Variants in CTNNA1 observed in about 807,000 individuals in gnomAD.
CTNNA1 encodes catenin alpha 1, also known as catenin alpha-1.
Under a neutral mutation model 98.4 loss-of-function variants are expected in CTNNA1, and 37 were observed. The ratio of observed to expected loss-of-function variants is 0.38; its 90% CI spans 0.29 to 0.49. The LOEUF (loss-of-function observed/expected upper bound fraction) is 0.49, where lower values mean the gene tolerates loss of function less well. Ranked by LOEUF, CTNNA1 falls within the 20% of genes least tolerant of loss-of-function variation. The pLI is 0.95. For missense variants in CTNNA1, 761 were observed against 1,147.2 expected (o/e 0.66, Z 4.86); for synonymous variants, 404 against 413.2 (o/e 0.98, Z 0.27).
chr5:138,922,845 A>G (rs1763195538), intron 11 of CTNNA1, among the ~76,000 whole-genome samples: 1 of 151,742 alleles, frequency 6.6e-6, no homozygotes, highest in South Asian at 2.1e-4. Context: ...AGTGGGGAAT[A>G]TTACTCTAAA....
At chr5:138,794,661 A>G (rs1229674381) in intron 3 of CTNNA1, among the ~76,000 whole-genome samples, 2 of 152,186 alleles carry the variant, frequency 1.3e-5, no homozygotes, top group Non-Finnish European at 2.9e-5. Flanking sequence ...TTGCATCTAT[A>G]TTGACAAGTG....
At chr5:138,920,201 A>G (rs1391594416) in intron 11 of CTNNA1, among the ~76,000 whole-genome samples, 2 of 151,934 alleles carry the variant, frequency 1.3e-5, no homozygotes, top group Non-Finnish European at 2.9e-5. Flanking sequence ...GCTTGTCTCA[A>G]ACTCCTGACC....
chr5:138,823,956 C>CAAAAACA (rs1760344515), intron 5 of CTNNA1, among the ~76,000 whole-genome samples: 3 of 64,392 alleles, frequency 4.7e-5, no homozygotes, highest in Non-Finnish European at 8.9e-5. Flanking sequence ...GACTCCGTCT[C>CAAAAACA]AAAAAAAAAA....
chr5:138,897,693 C>T (rs1309322208), intron 9 of CTNNA1, among the ~76,000 whole-genome samples: 1 of 152,152 alleles, frequency 6.6e-6, no homozygotes, highest in Non-Finnish European at 1.5e-5. Flanking sequence ...CTTGATTTTT[C>T]TCACATATTC....
intron 3 of CTNNA1, among the ~76,000 whole-genome samples, chr5:138,793,806 G>A (rs1011005236): frequency 6.6e-6 from 1 of 152,156 alleles, no homozygotes. Flanking sequence ...AGGAAAATGA[G>A]AACATGAATA....
intron 7 of CTNNA1, among the ~76,000 whole-genome samples, chr5:138,830,023 C>T (rs577286184): frequency 1.3e-5 from 2 of 152,156 alleles, no homozygotes; most frequent in Non-Finnish European, 2.9e-5. Flanking sequence ...AAAAATTAGC[C>T]GGACATGGAG....
intron 3 of CTNNA1, among the ~76,000 whole-genome samples, chr5:138,786,654 G>C (rs899130070): frequency 3.3e-5 from 5 of 152,148 alleles, no homozygotes; most frequent in South Asian, 2.1e-4. Flanking sequence ...GGGGAAGCTG[G>C]CTGCTATGTC....
At chr5:138,914,873 C>T (rs957403785) in intron 10 of CTNNA1, among the ~76,000 whole-genome samples, 95 of 152,166 alleles carry the variant, frequency 6.2e-4, no homozygotes, top group African/African-American at 2.2e-3. Context: ...CTGGGCCGGG[C>T]GCAGTGGCTC....
intron 9 of CTNNA1, among the ~76,000 whole-genome samples, chr5:138,890,956 G>T (rs542940378): frequency 1.3e-5 from 2 of 152,336 alleles, no homozygotes; most frequent in South Asian, 4.1e-4. Flanking sequence ...TGGAATGCAT[G>T]ATTTTTAGGT....
chr5:138,907,106 C>T (rs775805846), intron 10 of CTNNA1, among the ~76,000 whole-genome samples: 1 of 152,222 alleles, frequency 6.6e-6, no homozygotes, highest in Non-Finnish European at 1.5e-5. Flanking sequence ...ACTGCAGCCT[C>T]TGCCTCCCAG....
chr5:138,898,919 TTC>T (rs1199694525), intron 9 of CTNNA1, among the ~76,000 whole-genome samples: 1 of 152,202 alleles, frequency 6.6e-6, no homozygotes, highest in African/African-American at 2.4e-5. Flanking sequence ...CATTTTGACT[TTC>T]TAGGTTACTA....
intron 7 of CTNNA1, among the ~76,000 whole-genome samples, chr5:138,861,300 C>T (rs778851205): frequency 6.6e-6 from 1 of 152,184 alleles, no homozygotes; most frequent in Non-Finnish European, 1.5e-5. Flanking sequence ...GGATTACAGA[C>T]GTCCACCAAC....
chr5:138,871,778 C>G (rs563430353), intron 7 of CTNNA1: 59 of 152,362 alleles, frequency 3.9e-4, no homozygotes, highest in African/African-American at 1.4e-3. Context: ...TTCACCTACA[C>G]TGAACTACAC....
intron 13 of CTNNA1, among the ~76,000 whole-genome samples, chr5:138,926,896 G>A (rs1210068220): frequency 1.3e-5 from 2 of 152,058 alleles, no homozygotes; most frequent in African/African-American, 4.8e-5. Context: ...TGCGCACCTT[G>A]CCTCCTCCCT....
chr5:138,777,117 C>T (rs1435700980), intron 1 of CTNNA1, among the ~76,000 whole-genome samples: 8 of 151,382 alleles, frequency 5.3e-5, no homozygotes, highest in Non-Finnish European at 8.8e-5. Context: ...GGTTGCCAGG[C>T]GGAGGGTCTC....
At chr5:138,755,907 C>T (rs1234643881) in intron 1 of CTNNA1, among the ~76,000 whole-genome samples, 1 of 119,704 alleles carries the variant, frequency 8.4e-6, no homozygotes, top group Non-Finnish European at 1.6e-5. Context: ...GTTGCCCAGG[C>T]TGGGGTTCAG....
intron 7 of CTNNA1, among the ~76,000 whole-genome samples, chr5:138,876,978 A>G (rs1482820053): frequency 2.6e-5 from 4 of 152,234 alleles, no homozygotes; most frequent in Non-Finnish European, 5.9e-5. Context: ...TTCGTACCAC[A>G]GGGCAGGTCT....
At chr5:138,915,203 G>T (rs1400350037) in intron 10 of CTNNA1, among the ~76,000 whole-genome samples, 1 of 152,044 alleles carries the variant, frequency 6.6e-6, no homozygotes, top group Non-Finnish European at 1.5e-5. Context: ...TAAGCACCTT[G>T]TACCTAGGAA....
At chr5:138,756,480 C>G (rs372350311) in intron 1 of CTNNA1, among the ~76,000 whole-genome samples, 2 of 152,118 alleles carry the variant, frequency 1.3e-5, no homozygotes, top group Non-Finnish European at 1.5e-5. Context: ...TCTTTGAGAA[C>G]GTAACTCACT....
Sources: gnomAD v4.1 joint callset for allele counts (sites outside exome capture counted in the v4.1 genomes callset) on GRCh38, gnomAD v4.1.1 for gene constraint, MANE v1.5 for transcripts, NCBI Gene and HGNC (gene_info 2026-07-23, HGNC 2026-07-21) for gene names.